ARHGAP25: variants seen among roughly 807,000 people sequenced by gnomAD.
The protein encoded by ARHGAP25 is Rho GTPase activating protein 25.
In ARHGAP25, 34 loss-of-function variants were observed where a neutral mutation model predicts 71.0. That is an observed-to-expected ratio of 0.48 (90% CI 0.36 to 0.64). The LOEUF (loss-of-function observed/expected upper bound fraction) is 0.64. Ranked by LOEUF, ARHGAP25 falls within the 30% of genes least tolerant of loss-of-function variation. The pLI is 0.00. For missense variants in ARHGAP25, 706 were observed against 805.1 expected, an observed-to-expected ratio of 0.88 and a Z score of 1.49; for synonymous variants, 282 against 296.5, an observed-to-expected ratio of 0.95 and a Z score of 0.50.
intron 2 of ARHGAP25, among the ~76,000 whole-genome samples, chr2:68,780,880 T>A (rs942956659): frequency 1.3e-5 from 2 of 152,206 alleles, no homozygotes; most frequent in Non-Finnish European, 2.9e-5. Flanking sequence ...TGTTTTGAAA[T>A]AAAGACACGT....
At chr2:68,766,112 C>T (rs1000664451) in intron 1 of ARHGAP25, among the ~76,000 whole-genome samples, 2 of 152,212 alleles carry the variant, frequency 1.3e-5, no homozygotes, top group Non-Finnish European at 2.9e-5. Flanking sequence ...TGAACCAAAA[C>T]CTCTTACCTA....
At chr2:68,779,838 C>T (rs902150921) in intron 2 of ARHGAP25, among the ~76,000 whole-genome samples, 1 of 152,234 alleles carries the variant, frequency 6.6e-6, no homozygotes, top group Non-Finnish European at 1.5e-5. Flanking sequence ...CTACTGGTGT[C>T]TCTTCCTCTT....
At chr2:68,807,526 T>C in intron 5 of ARHGAP25, 46 bp downstream of exon 5, 3 of 1,591,102 alleles carry the variant, frequency 1.9e-6, no homozygotes, top group Non-Finnish European at 2.6e-6. Context: ...TCCCCTCTGC[T>C]TGGCTTGGCT....
At chr2:68,822,926 A>G (rs772828576) in intron 10 of ARHGAP25, 54 bp downstream of exon 10, 120 of 1,514,538 alleles carry the variant, frequency 7.9e-5, no homozygotes, top group Non-Finnish European at 1.0e-4. Context: ...TTTAGAGACA[A>G]GAGGGATTGT....
intron 1 of ARHGAP25, among the ~76,000 whole-genome samples, chr2:68,770,824 T>C (rs1174806886): frequency 1.3e-5 from 2 of 152,206 alleles, no homozygotes; most frequent in Non-Finnish European, 2.9e-5. Context: ...CACTCTGTCA[T>C]CTAAAGCATC....
At chr2:68,782,418 C>A in intron 3 of ARHGAP25, 98 bp downstream of exon 3, 1 of 1,089,572 alleles carries the variant, frequency 9.2e-7, no homozygotes, top group South Asian at 1.3e-5. Flanking sequence ...GAGAGTAATT[C>A]AACTAACTAA....
rs1343915726 is a variant in ARHGAP25, at chr2:68,822,321, A to G, written c.1201-19A>G. 1 of 1,541,602 alleles carries G rather than the reference A, an allele frequency of 6.5e-7. No individual in the cohort carries two copies. Among genetic ancestry groups the G allele is most frequent in the African/African-American group, 1.4e-5 (1 of 72,484 alleles). On this transcript the variant is annotated intron_variant, in intron 9 of 10. Coordinates refer to ENST00000409202, the MANE Select transcript of ARHGAP25 (RefSeq NM_001007231.3). ...GAGGTGAAAACCCCATGTGACATCCATGGCCATTTCTTTTCTAGACAAGCG... is the reference window on the plus strand; with the variant it reads ...GAGGTGAAAACCCCATGTGACATCCGTGGCCATTTCTTTTCTAGACAAGCG...
intron 1 of ARHGAP25, among the ~76,000 whole-genome samples, chr2:68,772,939 A>G (rs1677581456): frequency 6.6e-6 from 1 of 152,252 alleles, no homozygotes; most frequent in African/African-American, 2.4e-5. Context: ...ACATCTGAGC[A>G]TAAGCACTCT....
intron 4 of ARHGAP25, among the ~76,000 whole-genome samples, chr2:68,797,891 T>G (rs1468183040): frequency 6.6e-6 from 1 of 152,210 alleles, no homozygotes; most frequent in African/African-American, 2.4e-5. Context: ...CCCTCTCCCA[T>G]TTGGGGGATT....
At chr2:68,777,238 A>G (rs1212940698) in intron 2 of ARHGAP25, among the ~76,000 whole-genome samples, 3 of 152,208 alleles carry the variant, frequency 2.0e-5, no homozygotes, top group Non-Finnish European at 4.4e-5. Context: ...GATCAATGAA[A>G]GGGGCAGCTG....
chr2:68,715,582 C>T (rs913501901), intron 2 of ARHGAP25, among the ~76,000 whole-genome samples: 1 of 151,976 alleles, frequency 6.6e-6, no homozygotes, highest in Non-Finnish European at 1.5e-5. Flanking sequence ...CGGGTGCTTT[C>T]CCGTGTAGGT....
At chr2:68,758,440 A>G (rs1316319522) in intron 1 of ARHGAP25, among the ~76,000 whole-genome samples, 1 of 152,032 alleles carries the variant, frequency 6.6e-6, no homozygotes, top group African/African-American at 2.4e-5. Context: ...AATAGTAACC[A>G]AAAGAGAATG....
At chr2:68,788,499 G>A (rs1286507591) in intron 4 of ARHGAP25, among the ~76,000 whole-genome samples, 1 of 152,218 alleles carries the variant, frequency 6.6e-6, no homozygotes, top group Admixed American at 6.5e-5. Context: ...TCTTGCAGGT[G>A]TACAGTGAGT....
At chr2:68,809,249 T>C (rs1680603037) in intron 5 of ARHGAP25, among the ~76,000 whole-genome samples, 2 of 151,966 alleles carry the variant, frequency 1.3e-5, no homozygotes, top group African/African-American at 4.8e-5. Context: ...TCTCATTCCA[T>C]GGTGTGTTTT....
chr2:68,745,648 C>T (rs1675770153), intron 1 of ARHGAP25, among the ~76,000 whole-genome samples: 2 of 152,204 alleles, frequency 1.3e-5, no homozygotes, highest in Admixed American at 6.5e-5. Context: ...TGTGACCAGT[C>T]ATTTGAGGTG....
intron 4 of ARHGAP25, among the ~76,000 whole-genome samples, chr2:68,801,763 G>A (rs559804108): frequency 9.8e-5 from 15 of 152,290 alleles, no homozygotes; most frequent in African/African-American, 2.9e-4. Flanking sequence ...AAAATTACAT[G>A]ACAGTGATAA....
intron 4 of ARHGAP25, among the ~76,000 whole-genome samples, chr2:68,791,561 T>A (rs1679177151): frequency 6.6e-6 from 1 of 152,038 alleles, no homozygotes; most frequent in Non-Finnish European, 1.5e-5. Context: ...CCTTGGAGAA[T>A]CTGATGAAAG....
chr2:68,799,492 G>T (rs913445031), intron 4 of ARHGAP25, among the ~76,000 whole-genome samples: 3 of 152,194 alleles, frequency 2.0e-5, no homozygotes, highest in Non-Finnish European at 1.5e-5. Context: ...GGAATGGTGG[G>T]CTGGCTTCAT....
At chr2:68,812,601 A>G (rs1171276950) in intron 5 of ARHGAP25, among the ~76,000 whole-genome samples, 1 of 152,172 alleles carries the variant, frequency 6.6e-6, no homozygotes, top group Non-Finnish European at 1.5e-5. Flanking sequence ...ATACTTCCAT[A>G]GGATCCTGGG....
Sources: gnomAD v4.1 joint callset for allele counts (sites outside exome capture counted in the v4.1 genomes callset) on GRCh38, gnomAD v4.1.1 for gene constraint, MANE v1.5 for transcripts, NCBI Gene and HGNC (gene_info 2026-07-23, HGNC 2026-07-21) for gene names.